GSG1: variants seen among roughly 807,000 people sequenced by gnomAD.
GSG1 encodes germ cell-specific gene 1 protein.
In GSG1, 28 loss-of-function variants were observed where a neutral mutation model predicts 30.8. That is an observed-to-expected ratio of 0.91 (90% CI 0.67 to 1.25). The LOEUF (loss-of-function observed/expected upper bound fraction) is 1.25. Among genes scored for constraint, GSG1 ranks in the 50% most tolerant of loss-of-function variants. GSG1 has a pLI of 0.00. For missense variants in GSG1, 435 were observed against 444.7 expected (o/e 0.98, Z 0.20); for synonymous variants, 162 against 178.0 (o/e 0.91, Z 0.71).
At chr12:13,100,819 C>T (rs1173059810) in intron 1 of GSG1, among the ~76,000 whole-genome samples, 1 of 152,144 alleles carries the variant, frequency 6.6e-6, no homozygotes, top group Non-Finnish European at 1.5e-5. Context: ...GGGATTTATT[C>T]TCAGCTGTAA....
At chr12:13,085,579 T>C (rs918171112) in intron 6 of GSG1, among the ~76,000 whole-genome samples, 2 of 151,980 alleles carry the variant, frequency 1.3e-5, no homozygotes, top group Non-Finnish European at 2.9e-5. Flanking sequence ...GCATTGACCC[T>C]TGTAAAATCT....
intron 6 of GSG1, 46 bp downstream of exon 6, chr12:13,087,106 G>GAAGGTTGGCTGGGGCTACA (rs1238938013): frequency 2.3e-6 from 3 of 1,327,728 alleles, no homozygotes; most frequent in African/African-American, 2.9e-5. Context: ...AAAATCTCGT[G>GAAGGTTGGCTGGGGCTACA]AAGGTTGGCT....
At position 13,103,517 on chromosome 12, in the gene GSG1, T is replaced by A; in HGVS notation, c.-5A>T. On this transcript the variant is annotated 5_prime_UTR_variant, in exon 1 of 7. Coordinates refer to ENST00000651961, the MANE Select transcript of GSG1 (RefSeq NM_001080555.4). ...CAGTTGAGAGGGATCGCTCATTCAC[T>A]CTTGCAGCGGGAAGGCAGAGAAGTT... 6.2e-7 allele frequency: 1 copy of A among 1,613,978 alleles called. No homozygotes were observed. Among genetic ancestry groups the A allele is most frequent in the Non-Finnish European group, 8.5e-7 (1 of 1,179,858 alleles).
rs576229986 is a variant in GSG1 at position 13,101,324 on chromosome 12, G to T, written c.48+2141C>A. ...GCCCGGTCGCCTAGCAGCGGGGCGC[G>T]TTGCCGCGGCGACAGGCCGGCCGTG... On this transcript the variant is annotated intron_variant, in intron 1 of 6. Coordinates refer to ENST00000651961, the MANE Select transcript of GSG1 (RefSeq NM_001080555.4). This position sits in a 1 kb window ranked among gnomAD's most constrained non-coding sequence, Gnocchi z 5.8. Among the ~76,000 whole-genome samples, 1 of 152,350 alleles carries T rather than the reference G, an allele frequency of 6.6e-6. No homozygotes were observed. The highest frequency in any genetic ancestry group is 1.9e-4 in the East Asian group (1 of 5,174).
At chr12:13,092,634 C>T (rs1405928392) in intron 1 of GSG1, among the ~76,000 whole-genome samples, 1 of 152,118 alleles carries the variant, frequency 6.6e-6, no homozygotes, top group Non-Finnish European at 1.5e-5. Context: ...CATTAGGTAG[C>T]AAAAACGTGT....
At position 13,088,615 on chromosome 12, in the gene GSG1, C is replaced by T. The variant is rs137934312; in HGVS notation, c.481+247G>A. The T allele has an allele frequency of 8.4e-4, 701 of 836,880 alleles. 5 individuals are homozygous for T. The African/African-American group carries it at 0.011, about 13-fold the overall frequency. 51.8% of individuals were successfully genotyped at this position (836,880 alleles called of 1,614,324 possible). ...TCCTGCATATGAATGAAAGTCAGCT[C>T]AAGGAGGAATTTGTGTCACCCTTTG... On this transcript the variant is annotated intron_variant, in intron 4 of 6. Transcript: ENST00000651961.
intron 1 of GSG1, chr12:13,095,626 T>A (rs774309119): frequency 6.2e-7 from 1 of 1,614,216 alleles, no homozygotes; most frequent in Non-Finnish European, 8.5e-7. Flanking sequence ...TCTTGCAGCT[T>A]GTCTGGAAGA....
intron 1 of GSG1, chr12:13,095,715 C>A: frequency 6.3e-7 from 1 of 1,580,178 alleles, no homozygotes; most frequent in East Asian, 2.3e-5. Flanking sequence ...ACCCTCCTCC[C>A]TCTCCTCCTA....
At position 13,084,756 on chromosome 12, in the gene GSG1, G is replaced by A. The variant is rs895070188; in HGVS notation, c.*145C>T. 21 of 587,638 alleles carry A rather than the reference G, an allele frequency of 3.6e-5. No individual in the cohort carries two copies. Among genetic ancestry groups the A allele is most frequent in the South Asian group, 7.2e-5 (3 of 41,426 alleles). The allele number at this position is 587,638 out of a possible 1,614,324, so 36.4% of individuals were successfully genotyped here. ...AGCAGTGGCACCCAGGAATCCCTTA[G>A]GACTTAAAGATAACCCTTATTCATA... is the stretch of plus-strand genomic sequence containing the variant. On this transcript the variant is annotated 3_prime_UTR_variant, in exon 7 of 7. Transcript: ENST00000651961.
At position 13,101,349 on chromosome 12, in the gene GSG1, G is replaced by T. The variant is rs938497194; in HGVS notation, c.48+2116C>A. On this transcript the variant is annotated intron_variant, in intron 1 of 6. Coordinates refer to ENST00000651961, the MANE Select transcript of GSG1 (RefSeq NM_001080555.4). This position sits in a 1 kb window ranked among gnomAD's most constrained non-coding sequence, Gnocchi z 5.8. ...GTTGCCGCGGCGACAGGCCGGCCGTGTTTGGCATTGTTTGCGAGGCCCCGC... is the reference window on the plus strand; with the variant it reads ...GTTGCCGCGGCGACAGGCCGGCCGTTTTTGGCATTGTTTGCGAGGCCCCGC... Among the ~76,000 whole-genome samples, 13 of 152,346 alleles carry T rather than the reference G, an allele frequency of 8.5e-5. No individual in the cohort carries two copies. In the South Asian group the frequency reaches 1.9e-3, roughly 22 times the overall value.
At chr12:13,091,307 C>G (rs1436537261) in intron 1 of GSG1, among the ~76,000 whole-genome samples, 2 of 152,208 alleles carry the variant, frequency 1.3e-5, no homozygotes, top group Non-Finnish European at 2.9e-5. Context: ...GACTCCCATT[C>G]CAGAGAGGGT....
chr12:13,101,086 C>G lies in GSG1; in HGVS notation c.48+2379G>C, dbSNP rs1453088729. Among the ~76,000 whole-genome samples, 1 of 152,194 alleles carries G rather than the reference C, an allele frequency of 6.6e-6. No individual in the cohort carries two copies. Among genetic ancestry groups the G allele is most frequent in the South Asian group, 2.1e-4 (1 of 4,832 alleles). Reference sequence around the variant, plus strand: ...AAGCAGCTGGAGTGAATCAGAGGGGCAGCCACATCTGCACATCCTGTGGGG... The same window carrying G: ...AAGCAGCTGGAGTGAATCAGAGGGGGAGCCACATCTGCACATCCTGTGGGG... On this transcript the variant is annotated intron_variant, in intron 1 of 6. Transcript: ENST00000651961. This position sits in a 1 kb window ranked among gnomAD's most constrained non-coding sequence, Gnocchi z 5.8.
At chr12:13,089,620 G>C (rs1252493592) in intron 2 of GSG1, among the ~76,000 whole-genome samples, 1 of 152,198 alleles carries the variant, frequency 6.6e-6, no homozygotes, top group African/African-American at 2.4e-5. Context: ...ACCCTGGCTG[G>C]CTGGCTTCGG....
rs1310727635 is a variant in GSG1, at chr12:13,083,908, C to A, written c.*993G>T. 2.0e-5 allele frequency: 3 copies of A among 152,046 alleles called. No individual in the cohort carries two copies. The highest frequency in any genetic ancestry group is 7.3e-5 in the African/African-American group (3 of 41,370). 9.4% of individuals were successfully genotyped at this position (152,046 alleles called of 1,614,324 possible). A position where few individuals can be genotyped will look rare whatever the true frequency, so the allele number is the denominator to read the frequency against. ...CATAGTATTCCATGGTGTATATGTGCCACATTTTCTTAATCCAGTCTATCA... is the reference window on the plus strand; with the variant it reads ...CATAGTATTCCATGGTGTATATGTGACACATTTTCTTAATCCAGTCTATCA... On this transcript the variant is annotated 3_prime_UTR_variant, in exon 7 of 7. Transcript: ENST00000651961.
chr12:13,085,267 T>C, intron 6 of GSG1, 24 bp from the exon 7 acceptor site: 2 of 1,571,014 alleles, frequency 1.3e-6, no homozygotes, highest in Non-Finnish European at 1.7e-6. Context: ...CACAAAAAGA[T>C]TGGACAGTAA....
intron 1 of GSG1, among the ~76,000 whole-genome samples, chr12:13,097,536 A>G (rs372086111): frequency 1.7e-4 from 26 of 152,120 alleles, no homozygotes; most frequent in African/African-American, 5.8e-4. Flanking sequence ...GTATTCCATT[A>G]TAACTACTGC....
chr12:13,090,534 C>T lies in GSG1; in HGVS notation c.333G>A (p.Trp111Ter). The part of the protein sequence containing the change: ...FSFRSFRSGM[W>*]LSCEETVEEP... ...CTTCCACAGTTTCCTCACAGGATAG[C>T]CACATGCCACTCCGGAAGCTCCGGA... The change falls in exon 2 of 7, where the codon TGG (tryptophan) becomes TGA (stop). Residue 111 changes from tryptophan to a stop codon, truncating the protein, a stop_gained. Coordinates refer to ENST00000651961, the MANE Select transcript of GSG1 (RefSeq NM_001080555.4). LOFTEE classifies it high-confidence loss of function. 1.2e-6 allele frequency: 2 copies of T among 1,613,790 alleles called. No individual in the cohort carries two copies. The highest frequency in any genetic ancestry group is 1.7e-6 in the Non-Finnish European group (2 of 1,179,734).
rs547041043 is a variant in GSG1 at position 13,093,705 on chromosome 12, G to A, written c.49-2887C>T. ...GCCCTTGGTCAGTGGAGAGGAACCT[G>A]GAGGGCCGTGTCTTCCAGCCTGGTG... On this transcript the variant is annotated intron_variant, in intron 1 of 6. Transcript: ENST00000651961. The surrounding 1 kb of genome is among the most constrained non-coding windows in gnomAD (Gnocchi z 4.6). 5.3e-5 allele frequency among the ~76,000 whole-genome samples: 8 copies of A among 152,316 alleles called. No homozygotes were observed. The highest frequency in any genetic ancestry group is 1.7e-4 in the African/African-American group (7 of 41,564).
chr12:13,087,816 C>T (rs138229660), intron 5 of GSG1, 91 bp downstream of exon 5: 2 of 1,366,898 alleles, frequency 1.5e-6, no homozygotes, highest in African/African-American at 1.5e-5. Context: ...CTTTGGGCTC[C>T]TCCCCTTCAG....
Sources: allele counts gnomAD v4.1 joint callset (sites outside exome capture counted in the v4.1 genomes callset), GRCh38; gene constraint gnomAD v4.1.1; non-coding constraint Gnocchi (gnomAD v3.1); transcripts MANE v1.5; gene names NCBI Gene and HGNC (gene_info 2026-07-23, HGNC 2026-07-21).